The following SDK2 variants were observed in gnomAD, a reference collection of about 807,000 sequenced individuals.
The protein encoded by SDK2 is sidekick cell adhesion molecule 2.
Under a neutral mutation model 253.9 loss-of-function variants are expected in SDK2, and 105 were observed. The ratio of observed to expected loss-of-function variants is 0.41; its 90% confidence interval spans 0.35 to 0.49. The LOEUF is 0.49. Ranked by LOEUF, SDK2 falls within the 20% of genes least tolerant of loss-of-function variation. The pLI is 0.06. For synonymous variants in SDK2, 1,249 were observed against 1,234.9 expected (o/e 1.01, Z -0.24); for missense variants, 2,608 against 3,003.0 (o/e 0.87, Z 3.07).
At chr17:73,550,298 G>A (rs1314657071) in intron 1 of SDK2, among the ~76,000 whole-genome samples, 3 of 152,164 alleles carry the variant, frequency 2.0e-5, no homozygotes, top group African/African-American at 4.8e-5. Flanking sequence ...TAGGGTTAAC[G>A]GTTCTGAAAT....
chr17:73,387,964 C>A lies in SDK2; in HGVS notation c.4266G>T (p.Trp1422Cys). Residue 1422 changes from tryptophan (W) to cysteine (C), a missense_variant, in exon 30 of 45, where the codon TGG becomes TGT. By Grantham distance (215) the Trp-to-Cys change is radical. Around this residue, in one of 2 missense-constraint regions of SDK2, gnomAD observed 1,103 missense variants for 1,143.9 expected, o/e 0.96. Transcript: ENST00000392650. ...GGGAGAGCCCGTCGCTCCCTGGCTCCCAGGACAGCAGCACGCTGCGTGCTC... is the reference window on the plus strand; with the variant it reads ...GGGAGAGCCCGTCGCTCCCTGGCTCACAGGACAGCAGCACGCTGCGTGCTC... ...DVRARSVLLS[W>C]EPGSDGLSPV... The A allele has an allele frequency of 6.4e-7, 1 of 1,574,318 alleles. No individual in the cohort carries two copies. The highest frequency in any genetic ancestry group is 2.4e-5 in the East Asian group (1 of 42,444).
At position 73,626,079 on chromosome 17, in the gene SDK2, C is replaced by T. The variant is rs560914974; in HGVS notation, c.64+17946G>A. ...ACCTGAGCACTGAGCGAGACAGAGCCGTCTCTGGGCAGGCTGCTGCAAGCC... is the reference window on the plus strand; with the variant it reads ...ACCTGAGCACTGAGCGAGACAGAGCTGTCTCTGGGCAGGCTGCTGCAAGCC... On this transcript the variant is annotated intron_variant, in intron 1 of 44. Transcript: ENST00000392650. Among the ~76,000 whole-genome samples the T allele has an allele frequency of 3.3e-5, 5 of 152,120 alleles. 1 individual carries two copies. The South Asian group carries it at 6.2e-4, about 19-fold the overall frequency.
chr17:73,628,627 C>T (rs530638608), intron 1 of SDK2, among the ~76,000 whole-genome samples: 4 of 152,330 alleles, frequency 2.6e-5, no homozygotes, highest in South Asian at 2.1e-4. Flanking sequence ...CTGGGACGGG[C>T]CCAGAGAGCC....
chr17:73,438,818 G>A (rs187756638), intron 6 of SDK2, among the ~76,000 whole-genome samples: 38 of 152,246 alleles, frequency 2.5e-4, no homozygotes, highest in Middle Eastern at 3.4e-3. Context: ...CTTCCAAAGT[G>A]GGCCCCTGCT....
At chr17:73,493,301 C>T (rs2063820018) in intron 2 of SDK2, among the ~76,000 whole-genome samples, 1 of 152,232 alleles carries the variant, frequency 6.6e-6, no homozygotes, top group Non-Finnish European at 1.5e-5. Context: ...CTCAGTTCAT[C>T]AGGGAAGAGC....
In SDK2 at chr17:73,361,173, C is replaced by T. The variant is rs1452284114; in HGVS notation, c.5467+511G>A. Among the ~76,000 whole-genome samples, 1 of 152,068 alleles carries T rather than the reference C, an allele frequency of 6.6e-6. No individual in the cohort carries two copies. Among genetic ancestry groups the T allele is most frequent in the Non-Finnish European group, 1.5e-5 (1 of 68,014 alleles). ...GGGCTTTTGTCTAAGTGCAGACTGC[C>T]AGGTCCCACCTCAGCCCCAGGAAAT... is the stretch of plus-strand genomic sequence containing the variant. On this transcript the variant is annotated intron_variant, in intron 39 of 44. Coordinates refer to ENST00000392650, the MANE Select transcript of SDK2 (RefSeq NM_001144952.2). This position sits in a 1 kb window ranked among gnomAD's most constrained non-coding sequence, Gnocchi z 4.1.
At chr17:73,488,398 T>C (rs144785011) in intron 2 of SDK2, among the ~76,000 whole-genome samples, 305 of 152,308 alleles carry the variant, frequency 2.0e-3, no homozygotes, top group Middle Eastern at 0.017. Context: ...TCCACTGCGA[T>C]TGATATATTA....
At chr17:73,571,097 ATCTG>A (rs1697354963) in intron 1 of SDK2, among the ~76,000 whole-genome samples, 1 of 150,146 alleles carries the variant, frequency 6.7e-6, no homozygotes, top group South Asian at 2.1e-4. Context: ...TGGAGTCTTG[ATCTG>A]TCACTGAGGC....
At position 73,511,764 on chromosome 17, in the gene SDK2, C is replaced by G. The variant is rs984043997; in HGVS notation, c.65-4167G>C. Among the ~76,000 whole-genome samples the G allele has an allele frequency of 2.0e-5, 3 of 152,168 alleles. No homozygotes were observed. Among genetic ancestry groups the G allele is most frequent in the Non-Finnish European group, 4.4e-5 (3 of 68,016 alleles). On this transcript the variant is annotated intron_variant, in intron 1 of 44. Coordinates refer to ENST00000392650, the MANE Select transcript of SDK2 (RefSeq NM_001144952.2). The surrounding 1 kb of genome is among the most constrained non-coding windows in gnomAD (Gnocchi z 4.9). ...CTGAGCAGTGACAGCTGATTTTCCT[C>G]CAGGACCTGCCTCGTCTGAAAGCAA...
At chr17:73,396,648 C>T (rs1050358817) in intron 24 of SDK2, among the ~76,000 whole-genome samples, 1 of 152,272 alleles carries the variant, frequency 6.6e-6, no homozygotes, top group African/African-American at 2.4e-5. Flanking sequence ...ATGGACCACG[C>T]ACCATTAAGC....
At chr17:73,521,708 A>G (rs907197336) in intron 1 of SDK2, among the ~76,000 whole-genome samples, 1 of 152,134 alleles carries the variant, frequency 6.6e-6, no homozygotes, top group African/African-American at 2.4e-5. Flanking sequence ...AGAGGATGGG[A>G]GTTGGGGGCG....
chr17:73,470,017 C>T (rs2063635887), intron 3 of SDK2, among the ~76,000 whole-genome samples: 1 of 151,564 alleles, frequency 6.6e-6, no homozygotes, highest in Non-Finnish European at 1.5e-5. Flanking sequence ...CACACACACA[C>T]ACACACACAC....
intron 30 of SDK2, among the ~76,000 whole-genome samples, chr17:73,387,403 T>A (rs1040173089): frequency 6.6e-6 from 1 of 152,098 alleles, no homozygotes; most frequent in African/African-American, 2.4e-5. Context: ...GGGAAGAAAG[T>A]ATTGCTCAAA....
chr17:73,437,744 G>A lies in SDK2; in HGVS notation c.995C>T (p.Ala332Val), dbSNP rs2063381146. ...CAGCGGTGCCACCTCATTACCTTTG[G>A]CCTGACAGGGGATGTCCACCACCTT... ...MEKVVDIPCQ[A>V]KGVPPPSITW... is the part of the protein sequence containing the mutation. Residue 332 changes from alanine to valine, a missense_variant, in exon 8 of 45, where the codon GCC (alanine) becomes GTC (valine). Transcript: ENST00000392650. 1 of 1,613,576 alleles carries A rather than the reference G, an allele frequency of 6.2e-7. No individual in the cohort carries two copies. The highest frequency in any genetic ancestry group is 1.3e-5 in the African/African-American group (1 of 74,912).
intron 30 of SDK2, among the ~76,000 whole-genome samples, 180 bp from the exon 31 acceptor site, chr17:73,386,728 G>C (rs1279814504): frequency 6.6e-6 from 1 of 152,110 alleles, no homozygotes; most frequent in Non-Finnish European, 1.5e-5. Context: ...GGACAAACTG[G>C]GACCCGGCCC....
At chr17:73,357,933 C>T (rs1568364224) in intron 40 of SDK2, 146 bp downstream of exon 40, 1 of 1,276,264 alleles carries the variant, frequency 7.8e-7, no homozygotes. Context: ...CAGTTTCCCA[C>T]TCCTCAACAG....
In SDK2 at chr17:73,335,378, C is replaced by G. The variant is rs1426119084; in HGVS notation, c.*3209G>C. The G allele has an allele frequency of 6.6e-6, 1 of 152,234 alleles. No individual in the cohort carries two copies. The highest frequency in any genetic ancestry group is 2.4e-5 in the African/African-American group (1 of 41,422). The allele number at this position is 152,234 out of a possible 1,614,324, so 9.4% of individuals were successfully genotyped here. A position where few individuals can be genotyped will look rare whatever the true frequency, so the allele number is the denominator to read the frequency against. On this transcript the variant is annotated 3_prime_UTR_variant, in exon 45 of 45. Transcript: ENST00000392650. ...GGTGTGAACCTGCTTTGGGTGGAGT[C>G]CCACAGGCAGGGGCCCTGGCATCAC...
chr17:73,580,006 G>C (rs1466530290), intron 1 of SDK2, among the ~76,000 whole-genome samples: 1 of 140,398 alleles, frequency 7.1e-6, no homozygotes, highest in Non-Finnish European at 1.5e-5. Context: ...AAAAAAAAAA[G>C]AGAGGTTAGG....
Position 73,601,581 on chromosome 17 carries a change from G to A in SDK2, c.64+42444C>T, listed in dbSNP as rs1178212164. ...AGGGATAGGGCCGAGGGACAACGGA[G>A]GCAGAGACTGGAGTGAGGCATCTCT... On this transcript the variant is annotated intron_variant, in intron 1 of 44. Coordinates refer to ENST00000392650, the MANE Select transcript of SDK2 (RefSeq NM_001144952.2). Among the ~76,000 whole-genome samples the A allele has an allele frequency of 4.6e-5, 7 of 152,152 alleles. No homozygotes were observed. In the East Asian group the frequency reaches 7.7e-4, roughly 17 times the overall value.
Sources: allele counts gnomAD v4.1 joint callset (sites outside exome capture counted in the v4.1 genomes callset), GRCh38; gene constraint gnomAD v4.1.1; regional missense constraint gnomAD v4.1.1; non-coding constraint Gnocchi (gnomAD v3.1); transcripts MANE v1.5; gene names NCBI Gene and HGNC (gene_info 2026-07-23, HGNC 2026-07-21).